FAM120A: variants seen among roughly 807,000 people sequenced by gnomAD.
The protein encoded by FAM120A is constitutive coactivator of PPAR-gamma-like protein 1.
FAM120A carries 15 observed loss-of-function variants against 109.7 expected under a neutral mutation model. The ratio of observed to expected loss-of-function variants is 0.14; its 90% CI spans 0.09 to 0.21. The LOEUF (loss-of-function observed/expected upper bound fraction) is 0.21. FAM120A is among the 10% of genes least tolerant of loss of function. The pLI, the probability that FAM120A is intolerant of heterozygous loss-of-function variation, is 1.00. For missense variants in FAM120A, 899 were observed against 1,439.3 expected (o/e 0.62, Z 6.07); for synonymous variants, 493 against 572.8 (o/e 0.86, Z 1.99).
At chr9:93,458,465 C>A (rs937135846) in intron 1 of FAM120A, among the ~76,000 whole-genome samples, 8 of 152,118 alleles carry the variant, frequency 5.3e-5, no homozygotes, top group African/African-American at 1.9e-4. Flanking sequence ...CTCCCAGTCC[C>A]TAGAATAATG....
Position 93,558,563 on chromosome 9 carries a change from C to G in FAM120A, c.2669-18C>G, listed in dbSNP as rs1178621366. On this transcript the variant is annotated intron_variant, in intron 14 of 17. Coordinates refer to ENST00000277165, the MANE Select transcript of FAM120A (RefSeq NM_014612.5). Reference sequence around the variant, plus strand: ...TCCCTTACACTTCTCCCCTCTCTCTCTACCCCGGGTCCCACAGGCGTCTGT... The same window carrying G: ...TCCCTTACACTTCTCCCCTCTCTCTGTACCCCGGGTCCCACAGGCGTCTGT... 6.2e-7 allele frequency: 1 copy of G among 1,613,660 alleles called. No individual in the cohort carries two copies. Among genetic ancestry groups the G allele is most frequent in the Non-Finnish European group, 8.5e-7 (1 of 1,179,794 alleles).
At chr9:93,521,898 G>T (rs1860861998) in intron 7 of FAM120A, among the ~76,000 whole-genome samples, 1 of 152,132 alleles carries the variant, frequency 6.6e-6, no homozygotes, top group Non-Finnish European at 1.5e-5. Flanking sequence ...GACCAACATG[G>T]TGAAACCCTT....
At chr9:93,534,026 A>G (rs1250800670) in intron 10 of FAM120A, among the ~76,000 whole-genome samples, 4 of 152,150 alleles carry the variant, frequency 2.6e-5, no homozygotes, top group Admixed American at 2.0e-4. Flanking sequence ...GCCATTCGGC[A>G]TCATTGGTGT....
At chr9:93,471,472 T>C (rs1858311664) in intron 2 of FAM120A, 85 bp downstream of exon 2, 2 of 1,526,094 alleles carry the variant, frequency 1.3e-6, no homozygotes, top group Admixed American at 1.8e-5. Flanking sequence ...TGTGCTTGAA[T>C]GTTTTGGATA....
intron 3 of FAM120A, among the ~76,000 whole-genome samples, chr9:93,486,294 G>C (rs1859050345): frequency 6.6e-6 from 1 of 151,468 alleles, no homozygotes; most frequent in African/African-American, 2.4e-5. Context: ...TTTTTTTAAT[G>C]ACTGAATGAT....
chr9:93,466,836 C>CT (rs1858044134), intron 1 of FAM120A, among the ~76,000 whole-genome samples: 1 of 152,148 alleles, frequency 6.6e-6, no homozygotes, highest in Admixed American at 6.5e-5. Context: ...GTTTCTTTCT[C>CT]TGACAGTGAG....
At position 93,531,642 on chromosome 9, in the gene FAM120A, G is replaced by A. The variant is rs114846097; in HGVS notation, c.1735-513G>A. On this transcript the variant is annotated intron_variant, in intron 9 of 17. Transcript: ENST00000277165. Reference sequence around the variant, plus strand: ...ACTGAGACACATTTCTTGAGCACCTGCCACACTATGGCAGAAGCCTAACAC... The same window carrying A: ...ACTGAGACACATTTCTTGAGCACCTACCACACTATGGCAGAAGCCTAACAC... 5.7e-3 allele frequency among the ~76,000 whole-genome samples: 864 copies of A among 152,310 alleles called. 7 individuals carry two copies. Among genetic ancestry groups the A allele is most frequent in the African/African-American group, 0.02 (827 of 41,550 alleles).
chr9:93,488,429 GTCTT>G (rs1859165226), intron 3 of FAM120A, among the ~76,000 whole-genome samples: 1 of 151,972 alleles, frequency 6.6e-6, no homozygotes, highest in African/African-American at 2.4e-5. Flanking sequence ...GTGTTCTGTA[GTCTT>G]TCTTTTTTTC....
At chr9:93,491,740 G>A (rs776096196) in intron 3 of FAM120A, among the ~76,000 whole-genome samples, 6 of 151,924 alleles carry the variant, frequency 3.9e-5, no homozygotes, top group Admixed American at 1.3e-4. Context: ...TGTTAATTAA[G>A]TTTACTTACT....
chr9:93,516,124 G>A lies in FAM120A; in HGVS notation c.1273G>A (p.Gly425Arg). 1 of 1,613,866 alleles carries A rather than the reference G, an allele frequency of 6.2e-7. No homozygotes were observed. Among genetic ancestry groups the A allele is most frequent in the Non-Finnish European group, 8.5e-7 (1 of 1,179,838 alleles). ...CAGCTACAGCAACATTCCTCACGAA[G>A]GGAAGCACACGCCGCTGTATGAGCG... ...QNSYSNIPHEGKHTPLYERSS... is the reference protein window; with the variant it reads ...QNSYSNIPHERKHTPLYERSS... The change falls in exon 7 of 18, where the codon GGG becomes AGG. Residue 425 changes from glycine (G) to arginine (R), a missense_variant. This residue lies in a region of FAM120A where 30 missense variants were observed against 32.5 expected (regional missense o/e 0.92). Transcript: ENST00000277165.
intron 1 of FAM120A, among the ~76,000 whole-genome samples, chr9:93,462,012 C>T (rs1443343216): frequency 2.0e-5 from 3 of 151,976 alleles, no homozygotes; most frequent in Non-Finnish European, 2.9e-5. Flanking sequence ...AAAGAGATTG[C>T]GAAAGCCAAA....
chr9:93,479,795 T>A (rs1257118811), intron 3 of FAM120A, among the ~76,000 whole-genome samples: 2 of 152,194 alleles, frequency 1.3e-5, no homozygotes, highest in East Asian at 3.9e-4. Flanking sequence ...TCATTCACTG[T>A]AAATTTTTAA....
chr9:93,550,480 C>T (rs1207535926), intron 11 of FAM120A, 97 bp from the exon 12 acceptor site: 2 of 839,234 alleles, frequency 2.4e-6, no homozygotes, highest in East Asian at 2.4e-5. Context: ...TCTTAGCTCA[C>T]ATCATCCGGG....
At position 93,478,173 on chromosome 9, in the gene FAM120A, C is replaced by CT. The variant is rs372063001; in HGVS notation, c.804+1844dup. On this transcript the variant is annotated intron_variant, in intron 3 of 17. Coordinates refer to ENST00000277165, the MANE Select transcript of FAM120A (RefSeq NM_014612.5). ...AACTAAATTAATAATTCTTTAATAT[C>CT]TTTTTTTTTGAGACAGGGTCTTGCT... Among the ~76,000 whole-genome samples the CT allele has an allele frequency of 8.3e-3, 1,257 of 150,864 alleles. 9 individuals carry two copies. Among genetic ancestry groups the CT allele is most frequent in the African/African-American group, 0.028 (1,168 of 41,154 alleles).
chr9:93,546,906 A>G (rs1861912550), intron 11 of FAM120A, among the ~76,000 whole-genome samples: 1 of 152,226 alleles, frequency 6.6e-6, no homozygotes, highest in Non-Finnish European at 1.5e-5. Context: ...CAGAAGGGGT[A>G]TGGTGGTCTT....
chr9:93,487,559 C>G (rs757311810), intron 3 of FAM120A, among the ~76,000 whole-genome samples: 1 of 152,132 alleles, frequency 6.6e-6, no homozygotes, highest in Non-Finnish European at 1.5e-5. Flanking sequence ...GTTTGCGTCC[C>G]AAAGTGTTAC....
At chr9:93,559,595 C>T (rs977259043) in intron 15 of FAM120A, among the ~76,000 whole-genome samples, 2 of 152,234 alleles carry the variant, frequency 1.3e-5, no homozygotes, top group East Asian at 3.8e-4. Flanking sequence ...GCATGCCTCT[C>T]TGCCTCCTCT....
chr9:93,497,432 C>G, intron 3 of FAM120A, 39 bp from the exon 4 acceptor site: 2 of 1,608,280 alleles, frequency 1.2e-6, no homozygotes, highest in Non-Finnish European at 1.7e-6. Context: ...GTACTGGTTG[C>G]TCACCATCCA....
At chr9:93,493,444 G>A (rs1028592492) in intron 3 of FAM120A, among the ~76,000 whole-genome samples, 6 of 152,114 alleles carry the variant, frequency 3.9e-5, no homozygotes, top group Non-Finnish European at 8.8e-5. Flanking sequence ...CCAAAGATGT[G>A]GAATCAGTGT....
Sources: gnomAD v4.1 joint callset for allele counts (sites outside exome capture counted in the v4.1 genomes callset) on GRCh38, gnomAD v4.1.1 for gene constraint, gnomAD v4.1.1 regional missense constraint, MANE v1.5 for transcripts, NCBI Gene and HGNC (gene_info 2026-07-23, HGNC 2026-07-21) for gene names.